Variants in ADAMTS7 observed in about 807,000 individuals in gnomAD.
ADAMTS7 encodes the protein ADAM metallopeptidase with thrombospondin type 1 motif 7.
In ADAMTS7, 89 loss-of-function variants were observed where a neutral mutation model predicts 172.6. The observed-to-expected ratio is 0.52, with a 90% CI of 0.43 to 0.61. The LOEUF (loss-of-function observed/expected upper bound fraction) is 0.61, where lower values mean the gene tolerates loss of function less well. ADAMTS7 is among the 20% of genes least tolerant of loss of function. ADAMTS7 has a pLI of 0.00. For missense variants in ADAMTS7, 1,973 were observed against 2,355.6 expected, an observed-to-expected ratio of 0.84 and a Z score of 3.36; for synonymous variants, 885 against 978.4, an observed-to-expected ratio of 0.90 and a Z score of 1.78.
chr15:78,761,791 AG>A (rs1250008624), intron 23 of ADAMTS7: 1 of 966,728 alleles, frequency 1.0e-6, no homozygotes, highest in African/African-American at 1.8e-5. Flanking sequence ...AGGCGGCGGC[AG>A]GGGTGTCCAG....
chr15:78,776,420 C>A (rs1311261151), intron 10 of ADAMTS7, 87 bp from the exon 11 acceptor site: 1 of 1,515,478 alleles, frequency 6.6e-7, no homozygotes, highest in African/African-American at 1.4e-5. Flanking sequence ...GGTGGGAAGG[C>A]TGCGAAAGGC....
intron 1 of ADAMTS7, among the ~76,000 whole-genome samples, chr15:78,805,044 C>T (rs1287443906): frequency 6.6e-6 from 1 of 152,212 alleles, no homozygotes; most frequent in Non-Finnish European, 1.5e-5. Flanking sequence ...GGACCCAGCC[C>T]AGAGATTCTG....
chr15:78,788,393 C>T lies in ADAMTS7; in HGVS notation c.1179-19G>A. 8 of 1,610,608 alleles carry T rather than the reference C, an allele frequency of 5.0e-6. No homozygotes were observed. The highest frequency in any genetic ancestry group is 6.8e-6 in the Non-Finnish European group (8 of 1,178,780). Reference sequence around the variant, plus strand: ...GCCAAAACTGTGTGAGAGCACAGGCCCCAGGGGCGGGTGAGCCGGCGGGAG... The same window carrying T: ...GCCAAAACTGTGTGAGAGCACAGGCTCCAGGGGCGGGTGAGCCGGCGGGAG... On this transcript the variant is annotated intron_variant, in intron 7 of 23. Transcript: ENST00000388820.
At chr15:78,810,999 G>C in intron 1 of ADAMTS7, 122 bp downstream of exon 1, 1 of 1,078,656 alleles carries the variant, frequency 9.3e-7, no homozygotes, top group Non-Finnish European at 1.2e-6. Context: ...CGGAAGACGC[G>C]ACCAACTCCA....
chr15:78,800,384 C>A lies in ADAMTS7; in HGVS notation c.264G>T (p.Gly88=), dbSNP rs761272890. ...CGGTCAGGTTGAAGCGCAGCTCGCG[C>A]CCGCGGTATTGTAGCTCGTAGAAGG... ...APAFYELQYR[G]RELRFNLTAN... is the part of the protein sequence containing the mutation. Residue 88 remains glycine, a synonymous_variant, in exon 2 of 24, where the codon GGG becomes GGT. Coordinates refer to ENST00000388820, the MANE Select transcript of ADAMTS7 (RefSeq NM_014272.5). The A allele has an allele frequency of 1.2e-5, 19 of 1,606,970 alleles. No individual in the cohort carries two copies. The highest frequency in any genetic ancestry group is 2.7e-5 in the African/African-American group (2 of 74,884).
In ADAMTS7 at chr15:78,766,250, C is replaced by G. The variant is rs371251792; in HGVS notation, c.3661G>C (p.Asp1221His). 4.7e-5 allele frequency: 76 copies of G among 1,611,646 alleles called. No homozygotes were observed. The highest frequency in any genetic ancestry group is 5.8e-5 in the Non-Finnish European group (69 of 1,179,776). ...GCTCCTCGGCCCTTGGGTTCCTCAT[C>G]ATCCTTGAAAACCTCATTGGTCCTG... ...RDRTNEVFKDDEEPKGRGAPH... is the reference protein window; with the variant it reads ...RDRTNEVFKDHEEPKGRGAPH... The change falls in exon 19 of 24, where the codon GAT becomes CAT. Residue 1221 changes from aspartate to histidine, a missense_variant. Physicochemically the swap from Asp to His is moderately conservative, Grantham distance 81. Coordinates refer to ENST00000388820, the MANE Select transcript of ADAMTS7 (RefSeq NM_014272.5).
intron 8 of ADAMTS7, among the ~76,000 whole-genome samples, chr15:78,780,728 G>T (rs1350447364): frequency 6.6e-6 from 1 of 152,162 alleles, no homozygotes; most frequent in African/African-American, 2.4e-5. Context: ...TACTCGCATG[G>T]CCCCGGCCTC....
intron 20 of ADAMTS7, 73 bp from the exon 21 acceptor site, chr15:78,764,172 G>T: frequency 5.1e-6 from 7 of 1,376,420 alleles, no homozygotes; most frequent in Non-Finnish European, 5.7e-6. Flanking sequence ...GAGGTGTGTG[G>T]CGGGAAAGGC....
chr15:78,807,885 T>C (rs62012658), intron 1 of ADAMTS7, among the ~76,000 whole-genome samples: 7 of 148,566 alleles, frequency 4.7e-5, no homozygotes, highest in African/African-American at 7.4e-5. Context: ...TTTTTTTTTT[T>C]CTGAGATCTC....
intron 14 of ADAMTS7, among the ~76,000 whole-genome samples, chr15:78,772,816 T>C (rs76321846): frequency 6.6e-6 from 1 of 151,994 alleles, no homozygotes; most frequent in African/African-American, 2.4e-5. Context: ...AGACTACCAT[T>C]CTTTGGAAGG....
Position 78,774,243 on chromosome 15 carries a change from C to G in ADAMTS7, c.1934G>C (p.Arg645Pro). Reference protein sequence around the residue: ...PANEYFAEKLRDAVVDGTPCY... With the variant: ...PANEYFAEKLPDAVVDGTPCY... ...GGGGGTGCCATCGACCACGGCGTCC[C>G]GCAGCTTCTCGGCAAAGTACTCATT... The change falls in exon 13 of 24, where the codon CGG becomes CCG. Residue 645 changes from arginine (R) to proline (P), a missense_variant. Transcript: ENST00000388820. The G allele has an allele frequency of 6.3e-7, 1 of 1,582,726 alleles. No individual in the cohort carries two copies. Among genetic ancestry groups the G allele is most frequent in the Non-Finnish European group, 8.5e-7 (1 of 1,173,636 alleles).
chr15:78,810,961 C>T (rs1425948825), intron 1 of ADAMTS7, 160 bp downstream of exon 1: 5 of 815,182 alleles, frequency 6.1e-6, no homozygotes, highest in African/African-American at 1.8e-5. Flanking sequence ...GGCCCGACCC[C>T]GACTACTGTC....
chr15:78,801,490 G>A (rs1371462857), intron 1 of ADAMTS7, among the ~76,000 whole-genome samples: 1 of 152,056 alleles, frequency 6.6e-6, no homozygotes, highest in Non-Finnish European at 1.5e-5. Flanking sequence ...TCTCAATGAG[G>A]CCTCCTCTAA....
rs1226020144 is a variant in ADAMTS7 at position 78,791,060 on chromosome 15, G to A, written c.903+80C>T. 6 of 1,497,426 alleles carry A rather than the reference G, an allele frequency of 4.0e-6. No homozygotes were observed. The African/African-American group carries it at 4.1e-5, about 10-fold the overall frequency. The allele number at this position is 1,497,426 out of a possible 1,614,324, so 92.8% of individuals were successfully genotyped here. On this transcript the variant is annotated intron_variant, in intron 5 of 23. Transcript: ENST00000388820. The stretch of plus-strand genomic sequence containing the variant: ...GGCCTTCACTGTGCCCTTCCATAAA[G>A]AGCAGCACAGGTCATGCGGCAGGAG...
Position 78,811,375 on chromosome 15 carries a change from G to T in ADAMTS7, c.-155C>A. The T allele has an allele frequency of 1.1e-6, 1 of 944,146 alleles. No individual in the cohort carries two copies. Among genetic ancestry groups the T allele is most frequent in the Non-Finnish European group, 1.4e-6 (1 of 730,882 alleles). The allele number at this position is 944,146 out of a possible 1,614,324, so 58.5% of individuals were successfully genotyped here. A position where few individuals can be genotyped will look rare whatever the true frequency, so the allele number is the denominator to read the frequency against. On this transcript the variant is annotated 5_prime_UTR_variant, in exon 1 of 24. Transcript: ENST00000388820. ...GACTCCGTTCGGCTGCGCTCGGTCC[G>T]CGGGCAACAAAGGCTGCAGGGCCCG...
chr15:78,788,649 G>T (rs969015765), intron 7 of ADAMTS7, among the ~76,000 whole-genome samples: 5 of 152,236 alleles, frequency 3.3e-5, no homozygotes, highest in African/African-American at 1.2e-4. Context: ...CTGCCTGGGG[G>T]CCAGCCAGCA....
chr15:78,768,387 C>T, intron 16 of ADAMTS7, 128 bp from the exon 17 acceptor site: 1 of 1,373,430 alleles, frequency 7.3e-7, no homozygotes, highest in Admixed American at 2.0e-5. Flanking sequence ...GCCTTACTGC[C>T]CATGTCAGGA....
At chr15:78,806,521 C>A (rs2055800758) in intron 1 of ADAMTS7, among the ~76,000 whole-genome samples, 1 of 152,156 alleles carries the variant, frequency 6.6e-6, no homozygotes, top group South Asian at 2.1e-4. Context: ...AGGGCAGGCC[C>A]AAGTGGGCCA....
chr15:78,805,210 T>C (rs2055772613), intron 1 of ADAMTS7, among the ~76,000 whole-genome samples: 1 of 152,240 alleles, frequency 6.6e-6, no homozygotes, highest in South Asian at 2.1e-4. Context: ...GACATCCTAA[T>C]AAGGGCATAT....
Sources: gnomAD v4.1 joint callset for allele counts (sites outside exome capture counted in the v4.1 genomes callset) on GRCh38, gnomAD v4.1.1 for gene constraint, MANE v1.5 for transcripts, NCBI Gene and HGNC (gene_info 2026-07-23, HGNC 2026-07-21) for gene names.